Variants in CNTNAP1 observed in about 807,000 individuals in gnomAD.
CNTNAP1 encodes contactin associated protein 1.
Under a neutral mutation model 161.5 loss-of-function variants are expected in CNTNAP1, and 80 were observed. That is an observed-to-expected ratio of 0.50 (90% CI 0.41 to 0.60). The LOEUF (loss-of-function observed/expected upper bound fraction) is 0.60. Among genes scored for constraint, CNTNAP1 ranks in the 20% least tolerant of loss-of-function variants. The pLI is 0.00. For missense variants in CNTNAP1, 1,464 were observed against 1,854.8 expected, an observed-to-expected ratio of 0.79 and a Z score of 3.87; for synonymous variants, 695 against 733.1, an observed-to-expected ratio of 0.95 and a Z score of 0.84.
rs375309204 is a variant in CNTNAP1 at position 42,687,811 on chromosome 17, G to A, written c.1136G>A (p.Arg379His). Residue 379 changes from arginine to histidine, a missense_variant, in exon 8 of 24, where the codon CGC (arginine) becomes CAC (histidine). This residue lies in a region of CNTNAP1 where 1,383 missense variants were observed against 1,765.0 expected (regional missense o/e 0.78). Coordinates refer to ENST00000264638, the MANE Select transcript of CNTNAP1 (RefSeq NM_003632.3). The surrounding 1 kb of genome is among the most constrained non-coding windows in gnomAD (Gnocchi z 4.7). ...HNFVQVPGFP[R>H]RGRLAVSFRF... Reference sequence around the variant, plus strand: ...TTCGTTCAAGTGCCCGGTTTCCCACGCCGTGGCCGCCTGGCAGTCTCATTT... The same window carrying A: ...TTCGTTCAAGTGCCCGGTTTCCCACACCGTGGCCGCCTGGCAGTCTCATTT... 96 of 1,614,078 alleles carry A rather than the reference G, an allele frequency of 5.9e-5. No homozygotes were observed. Among genetic ancestry groups the A allele is most frequent in the Non-Finnish European group, 4.8e-5 (57 of 1,180,052 alleles).
chr17:42,682,547 A>C lies in CNTNAP1; in HGVS notation c.-283A>C. 1 of 487,362 alleles carries C rather than the reference A, an allele frequency of 2.1e-6. No homozygotes were observed. The highest frequency in any genetic ancestry group is 3.7e-6 in the Non-Finnish European group (1 of 271,894). 30.2% of individuals were successfully genotyped at this position (487,362 alleles called of 1,614,324 possible). ...GGGGTCCGGGAAACCGGCGCGTGCC[A>C]GGAGACAGAGGCTGGGGAAGGGGGG... On this transcript the variant is annotated 5_prime_UTR_variant, in exon 1 of 24. Coordinates refer to ENST00000264638, the MANE Select transcript of CNTNAP1 (RefSeq NM_003632.3).
At chr17:42,688,845 G>A (rs374843620) in intron 9 of CNTNAP1, 31 bp from the exon 10 acceptor site, 50 of 1,612,640 alleles carry the variant, frequency 3.1e-5, no homozygotes, top group Non-Finnish European at 4.1e-5. Flanking sequence ...GGTCTCCCCT[G>A]GGGAGGATCT....
chr17:42,697,198 T>C, intron 20 of CNTNAP1, 76 bp from the exon 21 acceptor site: 1 of 1,023,664 alleles, frequency 9.8e-7, no homozygotes, highest in Non-Finnish European at 1.5e-6. Context: ...GTCCACACAG[T>C]TCCAGTCCAG....
rs189596718 is a variant in CNTNAP1 at position 42,687,153 on chromosome 17, T to C, written c.1044+107T>C. On this transcript the variant is annotated intron_variant, in intron 7 of 23. Transcript: ENST00000264638. The surrounding 1 kb of genome is among the most constrained non-coding windows in gnomAD (Gnocchi z 4.7). ...ACATCAGATAAAAGCGGAGAATCCC[T>C]CTGTCCCCAGCCAGATGCTCAAGTT... 1.0e-5 allele frequency: 15 copies of C among 1,464,132 alleles called. No individual in the cohort carries two copies. The Admixed American group carries it at 2.2e-4, about 21-fold the overall frequency. 90.7% of individuals were successfully genotyped at this position (1,464,132 alleles called of 1,614,324 possible).
Position 42,699,771 on chromosome 17 carries a change from T to C in CNTNAP1, c.*861T>C, listed in dbSNP as rs1216991574. 6.5e-6 allele frequency: 1 copy of C among 152,672 alleles called. No homozygotes were observed. The highest frequency in any genetic ancestry group is 2.4e-5 in the African/African-American group (1 of 41,452). 9.5% of individuals were successfully genotyped at this position (152,672 alleles called of 1,614,324 possible). The stretch of plus-strand genomic sequence containing the variant: ...AGAGAAACTCTATATATTATTCGAA[T>C]TTTTAAATTATTTGTTTATATATAA... On this transcript the variant is annotated 3_prime_UTR_variant, in exon 24 of 24. Transcript: ENST00000264638.
intron 23 of CNTNAP1, among the ~76,000 whole-genome samples, chr17:42,698,365 C>G (rs1257526686): frequency 6.6e-6 from 1 of 152,036 alleles, no homozygotes; most frequent in Non-Finnish European, 1.5e-5. Context: ...GGAATTCAAA[C>G]CTGCCAGACA....
chr17:42,690,038 C>T, intron 11 of CNTNAP1, 50 bp from the exon 12 acceptor site: 2 of 1,606,616 alleles, frequency 1.2e-6, no homozygotes, highest in Non-Finnish European at 1.7e-6. Flanking sequence ...CCGCACCTGG[C>T]CAGCCCTCTA....
chr17:42,690,860 C>T lies in CNTNAP1; in HGVS notation c.1977C>T (p.Val659=). ...ACTGGAATGCATCCTGGGAGGAAGT[C>T]AGTGCCCTTGCCAATGCTTCCCAGC... ...IQYWNASWEE[V]SALANASQHC... is the part of the protein sequence containing the mutation. Residue 659 remains valine (V), a synonymous_variant, in exon 13 of 24, where the codon GTC becomes GTT. Coordinates refer to ENST00000264638, the MANE Select transcript of CNTNAP1 (RefSeq NM_003632.3). 2.5e-6 allele frequency: 4 copies of T among 1,614,216 alleles called. No homozygotes were observed. Among genetic ancestry groups the T allele is most frequent in the Non-Finnish European group, 3.4e-6 (4 of 1,180,044 alleles).
chr17:42,695,825 CG>C lies in CNTNAP1; in HGVS notation c.3298del (p.Val1100SerfsTer34), dbSNP rs1391161221. The C allele has an allele frequency of 6.2e-7, 1 of 1,614,068 alleles. No individual in the cohort carries two copies. Among genetic ancestry groups the C allele is most frequent in the Non-Finnish European group, 8.5e-7 (1 of 1,180,038 alleles). On this transcript the variant is annotated frameshift_variant, in exon 19 of 24. Coordinates refer to ENST00000264638, the MANE Select transcript of CNTNAP1 (RefSeq NM_003632.3). LOFTEE classifies it high-confidence loss of function. The part of the protein sequence containing the change: ...TSSAPAVLLY[V>X]SSFVRDYMAV... ...GCTCCGCCCCTGCTGTCCTGCTCTA[CG>C]TCAGTTCCTTTGTTCGTGACTACAT...
intron 8 of CNTNAP1, 64 bp from the exon 9 acceptor site, chr17:42,688,398 C>G: frequency 1.2e-6 from 2 of 1,608,076 alleles, no homozygotes; most frequent in Non-Finnish European, 1.7e-6. Flanking sequence ...CTTCCCCACT[C>G]AGAACATTCT....
In CNTNAP1 at chr17:42,690,787, G is replaced by C. The variant is rs780100870; in HGVS notation, c.1904G>C (p.Arg635Pro). The C allele has an allele frequency of 1.9e-5, 31 of 1,614,080 alleles. No homozygotes were observed. The highest frequency in any genetic ancestry group is 2.6e-5 in the Non-Finnish European group (31 of 1,180,030). Residue 635 changes from arginine (R) to proline (P), a missense_variant, in exon 13 of 24, where the codon CGA (arginine) becomes CCA (proline). Physicochemically the swap from Arg to Pro is moderately radical, Grantham distance 103. This residue lies in a region of CNTNAP1 where 1,383 missense variants were observed against 1,765.0 expected (regional missense o/e 0.78). Transcript: ENST00000264638. The stretch of plus-strand genomic sequence containing the variant: ...CGGCATGACAGGCTGTGGACAACTC[G>C]AGTGACAGGTTCCAGCATGGAGCGG... ...VVRHDRLWTT[R>P]VTGSSMERPF...
At position 42,693,408 on chromosome 17, in the gene CNTNAP1, C is replaced by G. The variant is rs150066200; in HGVS notation, c.2864C>G (p.Pro955Arg). 4 of 1,614,088 alleles carry G rather than the reference C, an allele frequency of 2.5e-6. No homozygotes were observed. Among genetic ancestry groups the G allele is most frequent in the African/African-American group, 2.7e-5 (2 of 74,922 alleles). ...GRANASEGTS[P>R]NCTGHCAHPR... is the part of the protein sequence containing the mutation. ...GCCAATGCCTCTGAGGGTACCTCAC[C>G]CAACTGCACAGGCCACTGTGCCCAC... Residue 955 changes from proline (P) to arginine (R), a missense_variant, in exon 18 of 24, where the codon CCC becomes CGC. Coordinates refer to ENST00000264638, the MANE Select transcript of CNTNAP1 (RefSeq NM_003632.3).
intron 20 of CNTNAP1, among the ~76,000 whole-genome samples, 172 bp downstream of exon 20, chr17:42,696,324 ATTTTT>A (rs36083265): frequency 1.6e-5 from 2 of 127,576 alleles, no homozygotes; most frequent in African/African-American, 5.8e-5. Context: ...GACAATAGGC[ATTTTT>A]TTTTTTTTTT....
chr17:42,687,657 T>G lies in CNTNAP1; in HGVS notation c.1045-63T>G. ...CAGGGTCTTAGACCGGTGTGAAAAC[T>G]GAATTCCCAGCTGAGGCAGAGGCGG... On this transcript the variant is annotated intron_variant, in intron 7 of 23. Coordinates refer to ENST00000264638, the MANE Select transcript of CNTNAP1 (RefSeq NM_003632.3). The surrounding 1 kb of genome is among the most constrained non-coding windows in gnomAD (Gnocchi z 4.7). The G allele has an allele frequency of 6.3e-7, 1 of 1,580,408 alleles. No homozygotes were observed. Among genetic ancestry groups the G allele is most frequent in the South Asian group, 1.2e-5 (1 of 85,306 alleles).
rs752158441 is a variant in CNTNAP1, at chr17:42,691,379, C to A, written c.2217-5C>A. On this transcript the variant is annotated splice_region_variant and splice_polypyrimidine_tract_variant and intron_variant, in intron 14 of 23. Transcript: ENST00000264638. The surrounding 1 kb of genome is among the most constrained non-coding windows in gnomAD (Gnocchi z 4.3). ...GGGCTGAGCCATGACATCCTGCCCC[C>A]ACAGGAGAACTGACAAGGGACTGCT... is the stretch of plus-strand genomic sequence containing the variant. 5.6e-6 allele frequency: 9 copies of A among 1,613,996 alleles called. No individual in the cohort carries two copies. The highest frequency in any genetic ancestry group is 4.4e-5 in the South Asian group (4 of 91,088).
At position 42,688,464 on chromosome 17, in the gene CNTNAP1, T is replaced by G. The variant is rs1370721322; in HGVS notation, c.1309T>G (p.Tyr437Asp). 1 of 1,614,178 alleles carries G rather than the reference T, an allele frequency of 6.2e-7. No individual in the cohort carries two copies. ...GRKKLQFAAGYRLNDGFWHEV... is the reference protein window; with the variant it reads ...GRKKLQFAAGDRLNDGFWHEV... ...CACCATCATCCATTCTTGTCCAGGGTACCGACTGAATGACGGCTTTTGGCA... is the reference window on the plus strand; with the variant it reads ...CACCATCATCCATTCTTGTCCAGGGGACCGACTGAATGACGGCTTTTGGCA... The change falls in exon 9 of 24, where the codon TAC becomes GAC. Residue 437 changes from tyrosine (Y) to aspartate (D), a missense_variant and splice_region_variant. By Grantham distance (160) the Tyr-to-Asp change is radical (BLOSUM62 -3). Coordinates refer to ENST00000264638, the MANE Select transcript of CNTNAP1 (RefSeq NM_003632.3).
chr17:42,685,153 A>C lies in CNTNAP1; in HGVS notation c.511+15A>C, dbSNP rs1440415138. 1.2e-6 allele frequency: 2 copies of C among 1,603,990 alleles called. No individual in the cohort carries two copies. The highest frequency in any genetic ancestry group is 1.7e-6 in the Non-Finnish European group (2 of 1,174,122). ...CTGCCCATACAGTAAGTGTGCAGAG[A>C]GCGCGGAGGGGGCCTGGGAGACAGC... On this transcript the variant is annotated intron_variant, in intron 4 of 23. Coordinates refer to ENST00000264638, the MANE Select transcript of CNTNAP1 (RefSeq NM_003632.3). This position sits in a 1 kb window ranked among gnomAD's most constrained non-coding sequence, Gnocchi z 5.0.
rs985505010 is a variant in CNTNAP1 at position 42,699,183 on chromosome 17, T to G, written c.*273T>G. The G allele has an allele frequency of 1.0e-4, 40 of 396,678 alleles. No homozygotes were observed. Among genetic ancestry groups the G allele is most frequent in the Non-Finnish European group, 1.7e-4 (38 of 224,030 alleles). The allele number at this position is 396,678 out of a possible 1,614,324, so 24.6% of individuals were successfully genotyped here. ...CCCCAAAGGAGAAGCCTCATGGGGT[T>G]GACATAGGTCCTTTCTGCCATCTCT... On this transcript the variant is annotated 3_prime_UTR_variant, in exon 24 of 24. Transcript: ENST00000264638.
At chr17:42,686,217 C>G in intron 6 of CNTNAP1, 76 bp downstream of exon 6, 1 of 1,424,582 alleles carries the variant, frequency 7.0e-7, no homozygotes, top group Admixed American at 1.7e-5. Context: ...CTCTCCCTTT[C>G]TCTTTTCCTC....
Sources: gnomAD v4.1 joint callset for allele counts (sites outside exome capture counted in the v4.1 genomes callset) on GRCh38, gnomAD v4.1.1 for gene constraint, gnomAD v4.1.1 regional missense constraint, Gnocchi (gnomAD v3.1) non-coding constraint, MANE v1.5 for transcripts, NCBI Gene and HGNC (gene_info 2026-07-23, HGNC 2026-07-21) for gene names.